CPNE4: variants seen among roughly 807,000 people sequenced by gnomAD.
CPNE4 encodes copine-4.
A neutral mutation model predicts 67.9 loss-of-function variants in CPNE4; 25 were observed. That is an observed-to-expected ratio of 0.37 (90% confidence interval 0.27 to 0.51). The LOEUF is 0.51. Ranked by LOEUF, CPNE4 falls within the 20% of genes least tolerant of loss-of-function variation. The pLI is 0.93. For synonymous variants in CPNE4, 242 were observed against 244.9 expected (o/e 0.99, Z 0.11); for missense variants, 464 against 690.8 (o/e 0.67, Z 3.68).
chr3:131,777,420 A>C (rs1235906739), intron 2 of CPNE4, among the ~76,000 whole-genome samples: 1 of 151,640 alleles, frequency 6.6e-6, no homozygotes, highest in Non-Finnish European at 1.5e-5. Flanking sequence ...GGAATTTCAA[A>C]TAACAAAAAC....
chr3:131,785,114 C>G (rs2083523419), intron 2 of CPNE4, among the ~76,000 whole-genome samples: 1 of 152,080 alleles, frequency 6.6e-6, no homozygotes, highest in Non-Finnish European at 1.5e-5. Flanking sequence ...CATAAAGGAT[C>G]CAGACCAGTA....
At chr3:131,679,929 A>G (rs528234977) in intron 6 of CPNE4, among the ~76,000 whole-genome samples, 1 of 152,282 alleles carries the variant, frequency 6.6e-6, no homozygotes, top group Admixed American at 6.5e-5. Context: ...AGTTCTGTAG[A>G]TATCTATCAG....
At chr3:131,635,800 T>C (rs563838959) in intron 7 of CPNE4, among the ~76,000 whole-genome samples, 2 of 152,214 alleles carry the variant, frequency 1.3e-5, no homozygotes, top group South Asian at 2.1e-4. Flanking sequence ...TGGAGACTTA[T>C]ACCGTGAACT....
chr3:131,928,278 C>A (rs1225041), intron 1 of CPNE4, among the ~76,000 whole-genome samples: 115,305 of 152,092 alleles, frequency 0.76, 44,170 homozygotes, highest in African/African-American at 0.85. Context: ...CCATGAATTA[C>A]AGTACAGGTT....
intron 7 of CPNE4, among the ~76,000 whole-genome samples, chr3:131,602,243 C>T (rs1466441477): frequency 6.6e-6 from 1 of 152,064 alleles, no homozygotes; most frequent in Non-Finnish European, 1.5e-5. Context: ...TGTCCTGGCT[C>T]CCACTGTGTT....
intron 8 of CPNE4, among the ~76,000 whole-genome samples, chr3:131,586,208 A>C (rs1938171010): frequency 6.6e-6 from 1 of 152,098 alleles, no homozygotes; most frequent in Non-Finnish European, 1.5e-5. Context: ...CTCTGCTTTC[A>C]CTCCTTTCTG....
At chr3:131,978,707 C>T (rs2072821721) in intron 1 of CPNE4, among the ~76,000 whole-genome samples, 1 of 148,366 alleles carries the variant, frequency 6.7e-6, no homozygotes, top group Non-Finnish European at 1.5e-5. Flanking sequence ...CTGCTCTGAT[C>T]TTGGTTATTT....
At chr3:131,873,082 C>G (rs1322035193) in intron 2 of CPNE4, among the ~76,000 whole-genome samples, 1 of 152,132 alleles carries the variant, frequency 6.6e-6, no homozygotes, top group Non-Finnish European at 1.5e-5. Context: ...TCCTACATAT[C>G]AACTTTTAAT....
chr3:131,900,637 T>C (rs905833912), intron 2 of CPNE4, among the ~76,000 whole-genome samples: 2 of 152,134 alleles, frequency 1.3e-5, no homozygotes, highest in African/African-American at 4.8e-5. Flanking sequence ...ACACAAGCCA[T>C]AGTGCTCAAT....
At chr3:131,836,264 C>A (rs1273005997) in intron 2 of CPNE4, among the ~76,000 whole-genome samples, 1 of 152,112 alleles carries the variant, frequency 6.6e-6, no homozygotes, top group Non-Finnish European at 1.5e-5. Context: ...TATACCCTGA[C>A]CAAGTGGGGT....
In CPNE4 at chr3:132,005,354, C is replaced by CGT. The variant is rs1560773195; in HGVS notation, c.-2+29212_-2+29213insAC. Reference sequence around the variant, plus strand: ...ATATATATATATATACACACACACACACACACACACACACACACATATATG... The same window carrying CGT: ...ATATATATATATATACACACACACACGTACACACACACACACACACATATATG... On this transcript the variant is annotated intron_variant, in intron 1 of 15. Transcript: ENST00000429747. Among the ~76,000 whole-genome samples, 4 of 78,260 alleles carry CGT rather than the reference C, an allele frequency of 5.1e-5. 1 individual carries two copies. Among genetic ancestry groups the CGT allele is most frequent in the Non-Finnish European group, 7.5e-5 (3 of 40,130 alleles). 51.3% of individuals were successfully genotyped at this position (78,260 alleles called of 152,430 possible).
intron 7 of CPNE4, among the ~76,000 whole-genome samples, chr3:131,648,534 A>G (rs2079725463): frequency 6.6e-6 from 1 of 152,276 alleles, no homozygotes; most frequent in East Asian, 1.9e-4. Flanking sequence ...AAGAAGATTT[A>G]TATATGACTG....
intron 2 of CPNE4, among the ~76,000 whole-genome samples, chr3:131,787,560 T>G (rs1406373362): frequency 6.6e-6 from 1 of 152,156 alleles, no homozygotes; most frequent in East Asian, 1.9e-4. Context: ...ATCTGGCGGC[T>G]GAAGGCTCTC....
intron 1 of CPNE4, among the ~76,000 whole-genome samples, chr3:131,975,982 T>C (rs72992892): frequency 0.045 from 6,897 of 151,790 alleles, 493 homozygotes; most frequent in African/African-American, 0.16. Flanking sequence ...ATCCATACTA[T>C]GCAGTTGTGA....
At chr3:132,000,281 T>TAA in intron 1 of CPNE4, among the ~76,000 whole-genome samples, 1 of 152,080 alleles carries the variant, frequency 6.6e-6, no homozygotes, top group East Asian at 1.9e-4. Flanking sequence ...ATTTAGATAC[T>TAA]AAATGGAGGG....
chr3:131,799,919 TTGTGTGTG>T (rs3070292), intron 2 of CPNE4, among the ~76,000 whole-genome samples: 31,433 of 145,528 alleles, frequency 0.22, 3,477 homozygotes, highest in East Asian at 0.29. Flanking sequence ...TGTGTGTGTG[TTGTGTGTG>T]TGTGTGTGTG....
intron 5 of CPNE4, among the ~76,000 whole-genome samples, chr3:131,689,754 T>C (rs972155425): frequency 2.6e-5 from 4 of 152,180 alleles, no homozygotes; most frequent in Non-Finnish European, 4.4e-5. Flanking sequence ...GGCATCCAAA[T>C]AGGAAAAGAA....
At chr3:131,714,082 T>A (rs1291755910) in intron 3 of CPNE4, among the ~76,000 whole-genome samples, 2 of 152,192 alleles carry the variant, frequency 1.3e-5, no homozygotes, top group Non-Finnish European at 1.5e-5. Context: ...ATGTGTAAAT[T>A]TGACTTCCCT....
chr3:131,776,758 G>T (rs2083301295), intron 2 of CPNE4, among the ~76,000 whole-genome samples: 1 of 152,094 alleles, frequency 6.6e-6, no homozygotes, highest in Non-Finnish European at 1.5e-5. Flanking sequence ...ATTGCATCTT[G>T]TTGGACAATG....
Sources: allele counts gnomAD v4.1 joint callset (sites outside exome capture counted in the v4.1 genomes callset), GRCh38; gene constraint gnomAD v4.1.1; transcripts MANE v1.5; gene names NCBI Gene and HGNC (gene_info 2026-07-23, HGNC 2026-07-21).